MRTFA: variants seen among roughly 807,000 people sequenced by gnomAD.
The protein encoded by MRTFA is myocardin-related transcription factor A.
In MRTFA, 20 loss-of-function variants were observed where a neutral mutation model predicts 83.5. The ratio of observed to expected loss-of-function variants is 0.24; its 90% CI spans 0.17 to 0.35. The LOEUF (loss-of-function observed/expected upper bound fraction) is 0.35, where lower values mean the gene tolerates loss of function less well. Among genes scored for constraint, MRTFA ranks in the 10% least tolerant of loss-of-function variants. The pLI is 1.00. For synonymous variants in MRTFA, 659 were observed against 541.2 expected (o/e 1.22, Z -3.02); for missense variants, 1,200 against 1,224.7 (o/e 0.98, Z 0.30).
Position 40,419,123 on chromosome 22 carries a change from T to A in MRTFA, c.1615A>T (p.Ser539Cys), listed in dbSNP as rs773909607. Residue 539 changes from serine (S) to cysteine (C), a missense_variant, in exon 12 of 15, where the codon AGT becomes TGT. By Grantham distance (112) the Ser-to-Cys change is moderately radical (BLOSUM62 -1). This residue lies in a region of MRTFA where 1,107 missense variants were observed against 1,041.8 expected (regional missense o/e 1.06). Coordinates refer to ENST00000355630, the MANE Select transcript of MRTFA (RefSeq NM_020831.6). ...GTGCTGCCAAACTTCACCACCCCAC[T>A]GCTGGCCACCGTGGCCACCACCACC... is the stretch of plus-strand genomic sequence containing the variant. 35 of 1,590,916 alleles carry A rather than the reference T, an allele frequency of 2.2e-5. No individual in the cohort carries two copies. The highest frequency in any genetic ancestry group is 2.0e-5 in the Non-Finnish European group (23 of 1,168,882).
At position 40,610,822 on chromosome 22, in the gene MRTFA, T is replaced by TAA. The variant is rs139645469; in HGVS notation, c.-83-16089_-83-16088dup. 7.2e-4 allele frequency among the ~76,000 whole-genome samples: 103 copies of TAA among 143,662 alleles called. 2 individuals are homozygous for TAA. The East Asian group carries it at 0.014, about 19-fold the overall frequency. 94.2% of individuals were successfully genotyped at this position (143,662 alleles called of 152,430 possible). A position where few individuals can be genotyped will look rare whatever the true frequency, so the allele number is the denominator to read the frequency against. Reference sequence around the variant, plus strand: ...AAAAAGTCTTGGAGGGAAAAATAAGTAAAAAAAAAGAGAAATAATAGAAGG... The same window carrying TAA: ...AAAAAGTCTTGGAGGGAAAAATAAGTAAAAAAAAAAAGAGAAATAATAGAAGG... On this transcript the variant is annotated intron_variant, in intron 1 of 14. Coordinates refer to ENST00000355630, the MANE Select transcript of MRTFA (RefSeq NM_020831.6).
At chr22:40,534,582 G>A (rs1443663672) in intron 3 of MRTFA, among the ~76,000 whole-genome samples, 2 of 152,174 alleles carry the variant, frequency 1.3e-5, no homozygotes, top group Non-Finnish European at 2.9e-5. Flanking sequence ...AGCCTCCTGA[G>A]TAGCTGGTCT....
At chr22:40,619,275 G>A (rs1461434152) in intron 1 of MRTFA, among the ~76,000 whole-genome samples, 1 of 151,392 alleles carries the variant, frequency 6.6e-6, no homozygotes, top group Admixed American at 6.6e-5. Context: ...CTAAAGTAGA[G>A]AAAATCTGTG....
At chr22:40,631,479 T>C (rs913246661) in intron 1 of MRTFA, among the ~76,000 whole-genome samples, 9 of 152,190 alleles carry the variant, frequency 5.9e-5, no homozygotes, top group African/African-American at 2.2e-4. Context: ...AAGAGTATCA[T>C]AGTCACACAG....
intron 2 of MRTFA, among the ~76,000 whole-genome samples, chr22:40,580,992 T>A (rs1046115530): frequency 1.7e-4 from 26 of 152,072 alleles, no homozygotes; most frequent in African/African-American, 4.1e-4. Flanking sequence ...TTTTTTTTTT[T>A]AAATAATAGA....
chr22:40,443,005 T>G (rs2053306641), intron 4 of MRTFA, among the ~76,000 whole-genome samples: 1 of 152,084 alleles, frequency 6.6e-6, no homozygotes, highest in Non-Finnish European at 1.5e-5. Flanking sequence ...ATCCCAGCAC[T>G]TTGGGAGGCC....
At chr22:40,533,668 T>C (rs2055120390) in intron 3 of MRTFA, 5 of 1,210,336 alleles carry the variant, frequency 4.1e-6, no homozygotes, top group Non-Finnish European at 5.2e-6. Flanking sequence ...AATCCACAAA[T>C]ATAATGAAGA....
chr22:40,587,282 C>T (rs2056045236), intron 2 of MRTFA: 2 of 485,622 alleles, frequency 4.1e-6, no homozygotes, highest in Non-Finnish European at 8.3e-6. Flanking sequence ...TCCCACATGC[C>T]CATCAGGAGC....
chr22:40,570,700 G>A lies in MRTFA; in HGVS notation c.-21-18333C>T, dbSNP rs138875095. Among the ~76,000 whole-genome samples, 727 of 150,968 alleles carry A rather than the reference G, an allele frequency of 4.8e-3. 4 individuals are homozygous for A. The highest frequency in any genetic ancestry group is 7.5e-3 in the Non-Finnish European group (506 of 67,868). The stretch of plus-strand genomic sequence containing the variant: ...GTACAAGCAGCAAACTTAAGACTAC[G>A]AGGAAGAGGCCACATGTTGAGAATA... On this transcript the variant is annotated intron_variant, in intron 2 of 14. Transcript: ENST00000355630.
intron 3 of MRTFA, among the ~76,000 whole-genome samples, chr22:40,466,116 A>G (rs9607721): frequency 0.18 from 27,842 of 152,162 alleles, 2,844 homozygotes; most frequent in Middle Eastern, 0.26. Flanking sequence ...GGGCTAAAAC[A>G]GATGGTTCGA....
intron 2 of MRTFA, among the ~76,000 whole-genome samples, chr22:40,570,577 CAAAAAAAAAA>C (rs894548892): frequency 1.0e-3 from 24 of 23,152 alleles, no homozygotes; most frequent in Admixed American, 7.0e-3. Flanking sequence ...GACTCTGTCT[CAAAAAAAAAA>C]AAAAAAAAAA....
At chr22:40,449,275 A>G (rs76955785) in intron 4 of MRTFA, among the ~76,000 whole-genome samples, 3 of 76,554 alleles carry the variant, frequency 3.9e-5, no homozygotes, top group South Asian at 4.2e-4. Context: ...TCCAAACGAG[A>G]AAAAAAAAAA....
At chr22:40,455,006 C>A (rs1053762623) in intron 4 of MRTFA, among the ~76,000 whole-genome samples, 1 of 152,070 alleles carries the variant, frequency 6.6e-6, no homozygotes, top group African/African-American at 2.4e-5. Context: ...GTCTATCTTG[C>A]CCCAGCTGGT....
chr22:40,486,702 AG>A (rs2054180072), intron 3 of MRTFA, among the ~76,000 whole-genome samples: 1 of 152,258 alleles, frequency 6.6e-6, no homozygotes, highest in African/African-American at 2.4e-5. Flanking sequence ...AGAAGGGTAC[AG>A]GGAGCCGGGT....
At chr22:40,619,498 A>C (rs1337227471) in intron 1 of MRTFA, among the ~76,000 whole-genome samples, 1 of 152,190 alleles carries the variant, frequency 6.6e-6, no homozygotes, top group African/African-American at 2.4e-5. Context: ...GAATTTGGAA[A>C]TTTAGATTCC....
At chr22:40,413,051 G>T (rs112979778) in intron 14 of MRTFA, among the ~76,000 whole-genome samples, 234 of 147,746 alleles carry the variant, frequency 1.6e-3, no homozygotes, top group African/African-American at 5.7e-3. Flanking sequence ...GTAGGAGAAT[G>T]GCTTGAACCC....
At position 40,459,830 on chromosome 22, in the gene MRTFA, CATATATATATATATAT is replaced by C. The variant is rs55885079; in HGVS notation, c.307+3375_307+3390del. ...ACACACACACACACACACATATATA[CATATATATATATATAT>C]ATATATATATATATATACACACATG... On this transcript the variant is annotated intron_variant, in intron 4 of 14. Transcript: ENST00000355630. Among the ~76,000 whole-genome samples, 134 of 86,940 alleles carry C rather than the reference CATATATATATATATAT, an allele frequency of 1.5e-3. 1 individual carries two copies. In the East Asian group the frequency reaches 0.031, roughly 20 times the overall value. 57.0% of individuals were successfully genotyped at this position (86,940 alleles called of 152,430 possible).
At chr22:40,535,152 C>G (rs1453973180) in intron 3 of MRTFA, among the ~76,000 whole-genome samples, 1 of 152,100 alleles carries the variant, frequency 6.6e-6, no homozygotes, top group Non-Finnish European at 1.5e-5. Flanking sequence ...AAAGCAGAAG[C>G]ATCTCACTGG....
At chr22:40,536,181 T>C (rs1439199878) in intron 3 of MRTFA, among the ~76,000 whole-genome samples, 1 of 150,748 alleles carries the variant, frequency 6.6e-6, no homozygotes, top group East Asian at 1.9e-4. Context: ...TGCCTGTCTG[T>C]AGTCCCAGCT....
Sources: allele counts gnomAD v4.1 joint callset (sites outside exome capture counted in the v4.1 genomes callset), GRCh38; gene constraint gnomAD v4.1.1; regional missense constraint gnomAD v4.1.1; transcripts MANE v1.5; gene names NCBI Gene and HGNC (gene_info 2026-07-23, HGNC 2026-07-21).